Variants in PCDHA5 observed in about 807,000 individuals in gnomAD.
The protein encoded by PCDHA5 is protocadherin alpha-5.
PCDHA5 carries 43 observed loss-of-function variants against 61.6 expected under a neutral mutation model. The observed-to-expected ratio is 0.70, with a 90% CI of 0.55 to 0.90. The LOEUF (loss-of-function observed/expected upper bound fraction) is 0.90. PCDHA5 is among the 40% of genes least tolerant of loss of function. The pLI, the probability that PCDHA5 is intolerant of heterozygous loss-of-function variation, is 0.00. For missense variants in PCDHA5, 1,298 were observed against 1,222.7 expected (o/e 1.06, Z -0.92); for synonymous variants, 627 against 543.9 (o/e 1.15, Z -2.13).
At chr5:140,985,290 A>G (rs1471502675) in intron 3 of PCDHA5, among the ~76,000 whole-genome samples, 1 of 152,108 alleles carries the variant, frequency 6.6e-6, no homozygotes, top group Non-Finnish European at 1.5e-5. Flanking sequence ...TCTATGATAT[A>G]GTGTTGGCTG....
At position 140,822,772 on chromosome 5, in the gene PCDHA5, T is replaced by C; in HGVS notation, c.997T>C (p.Cys333Arg). The C allele has an allele frequency of 1.2e-6, 2 of 1,614,060 alleles. No homozygotes were observed. The highest frequency in any genetic ancestry group is 1.7e-6 in the Non-Finnish European group (2 of 1,179,936). Residue 333 changes from cysteine to arginine, a missense_variant, in exon 1 of 4, where the codon TGT (cysteine) becomes CGT (arginine). Transcript: ENST00000529859. ...DKSTFPLSGHCKVVVKLLDVN... is the reference protein window; with the variant it reads ...DKSTFPLSGHRKVVVKLLDVN... ...AAGTACATTCCCATTATCAGGACAC[T>C]GTAAAGTAGTAGTGAAACTCCTGGA...
At chr5:140,844,931 A>G (rs1262967576) in intron 1 of PCDHA5, among the ~76,000 whole-genome samples, 1 of 149,362 alleles carries the variant, frequency 6.7e-6, no homozygotes, top group Non-Finnish European at 1.5e-5. Flanking sequence ...GAAGGGAATG[A>G]ACGATTTCTG....
intron 1 of PCDHA5, among the ~76,000 whole-genome samples, chr5:140,832,431 A>AT (rs1176475006): frequency 6.6e-6 from 1 of 152,192 alleles, no homozygotes; most frequent in Non-Finnish European, 1.5e-5. Flanking sequence ...GTACATGATA[A>AT]TTTTTAAGCG....
chr5:140,929,508 A>C (rs1200880949), intron 1 of PCDHA5: 3 of 831,290 alleles, frequency 3.6e-6, no homozygotes, highest in Non-Finnish European at 5.1e-6. Context: ...CCTAGGCCTC[A>C]AGGGACTTAT....
chr5:140,831,748 C>T (rs899662320), intron 1 of PCDHA5, among the ~76,000 whole-genome samples: 2 of 152,008 alleles, frequency 1.3e-5, no homozygotes, highest in Non-Finnish European at 1.5e-5. Context: ...TAAATTTCAT[C>T]GCTACCAATT....
intron 1 of PCDHA5, among the ~76,000 whole-genome samples, chr5:140,964,925 T>C (rs1586044682): frequency 6.6e-6 from 1 of 152,148 alleles, no homozygotes; most frequent in African/African-American, 2.4e-5. Flanking sequence ...ACTGGCTAGG[T>C]AGTGGAGCAT....
chr5:140,882,198 G>A lies in PCDHA5; in HGVS notation c.2352+58071G>A, dbSNP rs964999330. ...CCGCACTAGGAAGCCATAAAAATTG[G>A]GCCTTGAGAGACAGTTTGAGGTAAG... On this transcript the variant is annotated intron_variant, in intron 1 of 3. Coordinates refer to ENST00000529859, the MANE Select transcript of PCDHA5 (RefSeq NM_018908.3). The A allele has an allele frequency of 8.5e-6, 13 of 1,525,466 alleles. 1 individual carries two copies. In the East Asian group the frequency reaches 2.5e-4, roughly 29 times the overall value. The allele number at this position is 1,525,466 out of a possible 1,614,324, so 94.5% of individuals were successfully genotyped here.
At chr5:140,928,434 CTT>C (rs1554205890) in intron 1 of PCDHA5, 1 of 1,614,172 alleles carries the variant, frequency 6.2e-7, no homozygotes, top group South Asian at 1.1e-5. Flanking sequence ...CTTCCTTTGA[CTT>C]TGAGCAGCTC....
intron 1 of PCDHA5, among the ~76,000 whole-genome samples, chr5:140,890,615 C>A (rs1266338521): frequency 6.6e-6 from 1 of 152,026 alleles, no homozygotes; most frequent in Non-Finnish European, 1.5e-5. Context: ...AGTGCTTACC[C>A]TAGAAAATTA....
chr5:140,824,197 CT>C (rs2150133145), intron 1 of PCDHA5, 70 bp downstream of exon 1: 49 of 1,598,384 alleles, frequency 3.1e-5, no homozygotes, highest in Middle Eastern at 1.7e-4. Flanking sequence ...CATTCACCCA[CT>C]TTTTTTGTAT....
At chr5:140,866,196 T>C (rs1176237600) in intron 1 of PCDHA5, 3 of 152,160 alleles carry the variant, frequency 2.0e-5, no homozygotes, top group African/African-American at 7.2e-5. Context: ...AACTGTGGTT[T>C]CCAATATCCT....
In PCDHA5 at chr5:140,844,186, T is replaced by G. The variant is rs1779260414; in HGVS notation, c.2352+20059T>G. ...CTTTAAGATCTCGGTTTATTCATCT[T>G]ATCTGACTTTTTAGTGTCTGGTAGT... On this transcript the variant is annotated intron_variant, in intron 1 of 3. Transcript: ENST00000529859. Among the ~76,000 whole-genome samples, 2 of 149,872 alleles carry G rather than the reference T, an allele frequency of 1.3e-5. 1 individual carries two copies. Among genetic ancestry groups the G allele is most frequent in the Admixed American group, 1.3e-4 (2 of 14,948 alleles).
intron 1 of PCDHA5, chr5:140,850,088 A>G (rs2150466412): frequency 3.0e-5 from 48 of 1,596,270 alleles, no homozygotes; most frequent in South Asian, 6.6e-5. Context: ...TGGAGCTGCT[A>G]CAGTTCCAGG....
intron 1 of PCDHA5, among the ~76,000 whole-genome samples, chr5:140,977,624 T>C (rs139722248): frequency 6.6e-6 from 1 of 152,088 alleles, no homozygotes. Flanking sequence ...TATCCCAGAG[T>C]TGTAACTTTT....
chr5:140,852,939 T>C (rs995213458), intron 1 of PCDHA5: 2 of 590,456 alleles, frequency 3.4e-6, no homozygotes, highest in Non-Finnish European at 4.4e-6. Context: ...AGTGCAGTGG[T>C]GCCATCTTGG....
At position 140,884,762 on chromosome 5, in the gene PCDHA5, A is replaced by T. The variant is rs491169; in HGVS notation, c.2352+60635A>T. 4,163 of 1,423,128 alleles carry T rather than the reference A, an allele frequency of 2.9e-3. 95 individuals carry two copies. The African/African-American group carries it at 0.053, about 18-fold the overall frequency. 88.2% of individuals were successfully genotyped at this position (1,423,128 alleles called of 1,614,324 possible). A position where few individuals can be genotyped will look rare whatever the true frequency, so the allele number is the denominator to read the frequency against. On this transcript the variant is annotated intron_variant, in intron 1 of 3. Coordinates refer to ENST00000529859, the MANE Select transcript of PCDHA5 (RefSeq NM_018908.3). ...TCCTGCCAATTTCAAATTATTCTTT[A>T]CTTTAATTTTAATTTTGCTAGTTGT...
chr5:140,967,889 C>T, intron 1 of PCDHA5: 1 of 1,614,146 alleles, frequency 6.2e-7, no homozygotes, highest in Non-Finnish European at 8.5e-7. Context: ...TAGCCCAGTG[C>T]CTGAGAATGC....
chr5:140,940,450 A>G (rs1279490375), intron 1 of PCDHA5, among the ~76,000 whole-genome samples: 1 of 151,884 alleles, frequency 6.6e-6, no homozygotes, highest in Non-Finnish European at 1.5e-5. Flanking sequence ...GATATTTTTT[A>G]TAGGTTTCTG....
chr5:140,828,403 C>T (rs2150154987), intron 1 of PCDHA5: 1 of 1,614,256 alleles, frequency 6.2e-7, no homozygotes, highest in South Asian at 1.1e-5. Flanking sequence ...AGTGCAGCAT[C>T]CACCTGGAGG....
Sources: gnomAD v4.1 joint callset for allele counts (sites outside exome capture counted in the v4.1 genomes callset) on GRCh38, gnomAD v4.1.1 for gene constraint, MANE v1.5 for transcripts, NCBI Gene and HGNC (gene_info 2026-07-23, HGNC 2026-07-21) for gene names.